The following DLGAP2 variants were observed in gnomAD, a reference collection of about 807,000 sequenced individuals.
DLGAP2 encodes DLG associated protein 2, also known as disks large-associated protein 2.
In DLGAP2, 26 loss-of-function variants were observed where a neutral mutation model predicts 100.3. The observed-to-expected ratio is 0.26, with a 90% CI of 0.19 to 0.36. The LOEUF is 0.36. DLGAP2 is among the 10% of genes least tolerant of loss of function. The pLI is 1.00. For synonymous variants in DLGAP2, 886 were observed against 630.1 expected (o/e 1.41, Z -6.08); for missense variants, 1,858 against 1,453.2 (o/e 1.28, Z -4.53).
chr8:1,090,768 T>A (rs1409948148), intron 2 of DLGAP2, among the ~76,000 whole-genome samples: 1 of 152,210 alleles, frequency 6.6e-6, no homozygotes, highest in African/African-American at 2.4e-5. Context: ...GTTGTTGTTG[T>A]TGTTATTATT....
intron 1 of DLGAP2, among the ~76,000 whole-genome samples, chr8:851,361 A>T (rs1797180031): frequency 6.6e-6 from 1 of 152,184 alleles, no homozygotes; most frequent in Non-Finnish European, 1.5e-5. Context: ...CGTATGACTG[A>T]CTGTGTTTTC....
intron 3 of DLGAP2, among the ~76,000 whole-genome samples, chr8:1,460,936 A>T (rs1798453132): frequency 1.3e-5 from 2 of 152,244 alleles, no homozygotes; most frequent in Non-Finnish European, 1.5e-5. Context: ...GAGCATAAAC[A>T]CAAGGGTACC....
intron 1 of DLGAP2, among the ~76,000 whole-genome samples, chr8:848,388 GTGTTCCAGTGTAGGGTCGTGCGGTGCC>G (rs1563061620): frequency 2.6e-5 from 3 of 114,634 alleles, no homozygotes; most frequent in Non-Finnish European, 1.9e-5. Context: ...CGTGCGGTGC[GTGTTCCAGTGTAGGGTCGTGCGGTGCC>G]TGTTCCAGTG....
chr8:1,121,314 C>T (rs569273639), intron 2 of DLGAP2, among the ~76,000 whole-genome samples: 54 of 150,460 alleles, frequency 3.6e-4, no homozygotes, highest in African/African-American at 1.1e-3. Context: ...CACCCATCCT[C>T]GTCCCTTCAG....
intron 3 of DLGAP2, among the ~76,000 whole-genome samples, chr8:1,486,508 C>T (rs1231824348): frequency 6.6e-6 from 1 of 152,156 alleles, no homozygotes; most frequent in African/African-American, 2.4e-5. Context: ...GAAAGACCCC[C>T]TATGGAAGGC....
In DLGAP2 at chr8:1,634,118, G is replaced by A. The variant is rs184799954; in HGVS notation, c.1810+1072G>A. Among the ~76,000 whole-genome samples the A allele has an allele frequency of 1.4e-3, 211 of 152,362 alleles. 3 individuals are homozygous for A. The highest frequency in any genetic ancestry group is 1.6e-3 in the Non-Finnish European group (111 of 68,036). ...GAAGGGAAGGAACTGTGTTCAAACC[G>A]TGTTCCATCATGTCCTCGCTGCAAG... On this transcript the variant is annotated intron_variant, in intron 8 of 14. Transcript: ENST00000637795.
chr8:1,088,230 C>G (rs1804041904), intron 2 of DLGAP2, among the ~76,000 whole-genome samples: 1 of 152,176 alleles, frequency 6.6e-6, no homozygotes, highest in African/African-American at 2.4e-5. Flanking sequence ...TTCATTGCTT[C>G]TCCTTGGACC....
intron 1 of DLGAP2, among the ~76,000 whole-genome samples, chr8:849,435 G>C (rs76836716): frequency 0.012 from 1,781 of 152,300 alleles, 33 homozygotes; most frequent in African/African-American, 0.041. Context: ...GTGGAAATTG[G>C]GTTCATATTT....
chr8:1,508,996 C>T (rs540957983), intron 4 of DLGAP2, among the ~76,000 whole-genome samples: 1 of 152,134 alleles, frequency 6.6e-6, no homozygotes, highest in African/African-American at 2.4e-5. Flanking sequence ...AGTTACTGGT[C>T]ACTGCCAGCA....
rs112220909 is a variant in DLGAP2 at position 757,056 on chromosome 8, C to T, written c.18+19231C>T. On this transcript the variant is annotated intron_variant, in intron 1 of 14. Coordinates refer to ENST00000637795, the MANE Select transcript of DLGAP2 (RefSeq NM_001346810.2). Reference sequence around the variant, plus strand: ...TCCCTGTTCGTGGCTCCCTGTTTCCCGCCATGGGGCCTTTGCACATGCTGC... The same window carrying T: ...TCCCTGTTCGTGGCTCCCTGTTTCCTGCCATGGGGCCTTTGCACATGCTGC... Among the ~76,000 whole-genome samples the T allele has an allele frequency of 6.9e-3, 1,046 of 152,270 alleles. 7 individuals carry two copies. Among genetic ancestry groups the T allele is most frequent in the African/African-American group, 0.024 (1,002 of 41,540 alleles).
At chr8:1,539,534 G>T (rs1300409897) in intron 4 of DLGAP2, among the ~76,000 whole-genome samples, 1 of 152,098 alleles carries the variant, frequency 6.6e-6, no homozygotes, top group East Asian at 1.9e-4. Context: ...GAGTGGACTG[G>T]GGTGCACTGA....
chr8:1,084,945 C>A (rs1312226342), intron 2 of DLGAP2, among the ~76,000 whole-genome samples: 1 of 152,236 alleles, frequency 6.6e-6, no homozygotes, highest in African/African-American at 2.4e-5. Context: ...CACCTTCGTA[C>A]TGTTCTCCAG....
At chr8:1,469,295 C>A (rs536818289) in intron 3 of DLGAP2, among the ~76,000 whole-genome samples, 15 of 152,336 alleles carry the variant, frequency 9.8e-5, no homozygotes, top group Non-Finnish European at 1.8e-4. Flanking sequence ...CAACACCTTG[C>A]GGCATTCAGC....
At chr8:792,748 C>G (rs960500256) in intron 1 of DLGAP2, among the ~76,000 whole-genome samples, 4 of 152,046 alleles carry the variant, frequency 2.6e-5, no homozygotes, top group African/African-American at 9.7e-5. Context: ...AGGAGTTCCC[C>G]CATTTTGTAA....
chr8:1,379,170 AGCCTCACGGG>A (rs1402958328), intron 3 of DLGAP2, among the ~76,000 whole-genome samples: 7 of 152,282 alleles, frequency 4.6e-5, no homozygotes, highest in African/African-American at 1.7e-4. Context: ...GTGGCACGTC[AGCCTCACGGG>A]GCCACCCGCT....
At chr8:1,576,111 A>G (rs1438385387) in intron 6 of DLGAP2, among the ~76,000 whole-genome samples, 1 of 152,100 alleles carries the variant, frequency 6.6e-6, no homozygotes, top group Non-Finnish European at 1.5e-5. Flanking sequence ...CTATTTCTCC[A>G]CATCCTCTCC....
intron 2 of DLGAP2, among the ~76,000 whole-genome samples, chr8:1,224,463 C>G (rs1381116380): frequency 6.6e-6 from 1 of 152,070 alleles, no homozygotes; most frequent in East Asian, 1.9e-4. Context: ...CTTTCACATT[C>G]AGGTGTTTAT....
chr8:1,603,533 G>A (rs1291501232), intron 6 of DLGAP2, among the ~76,000 whole-genome samples: 1 of 151,674 alleles, frequency 6.6e-6, no homozygotes, highest in African/African-American at 2.4e-5. Flanking sequence ...GTGGAGTCTG[G>A]GTCTCAGTTC....
At chr8:1,495,863 T>C (rs981413520) in intron 3 of DLGAP2, among the ~76,000 whole-genome samples, 1 of 152,128 alleles carries the variant, frequency 6.6e-6, no homozygotes, top group African/African-American at 2.4e-5. Flanking sequence ...CGCGTGTCCA[T>C]CTGCAAAGCA....
Sources: gnomAD v4.1 joint callset for allele counts (sites outside exome capture counted in the v4.1 genomes callset) on GRCh38, gnomAD v4.1.1 for gene constraint, MANE v1.5 for transcripts, NCBI Gene and HGNC (gene_info 2026-07-23, HGNC 2026-07-21) for gene names.